Variants in JUP observed in about 807,000 individuals in gnomAD.
The protein encoded by JUP is junction plakoglobin.
JUP carries 28 observed loss-of-function variants against 71.1 expected under a neutral mutation model. That is an observed-to-expected ratio of 0.39 (90% CI 0.29 to 0.54). The LOEUF (loss-of-function observed/expected upper bound fraction) is 0.54. Ranked by LOEUF, JUP falls within the 20% of genes least tolerant of loss-of-function variation. The pLI, the probability that JUP is intolerant of heterozygous loss-of-function variation, is 0.62. For missense variants in JUP, 869 were observed against 1,030.1 expected (o/e 0.84, Z 2.14); for synonymous variants, 401 against 438.9 (o/e 0.91, Z 1.08).
Position 41,764,925 on chromosome 17 carries a change from G to T in JUP, c.1052C>A (p.Ala351Asp). 1 of 1,614,182 alleles carries T rather than the reference G, an allele frequency of 6.2e-7. No homozygotes were observed. The highest frequency in any genetic ancestry group is 8.5e-7 in the Non-Finnish European group (1 of 1,180,028). Reference sequence around the variant, plus strand: ...GCCCTCAAGGCCATCATACTCACCAGCCTCCACAATGGCAGGCTTATTGCT... The same window carrying T: ...GCCCTCAAGGCCATCATACTCACCATCCTCCACAATGGCAGGCTTATTGCT... ...CPSNKPAIVEAGGMQALGKHL... is the reference protein window; with the variant it reads ...CPSNKPAIVEDGGMQALGKHL... Residue 351 changes from alanine (A) to aspartate (D), a missense_variant and splice_region_variant, in exon 6 of 14, where the codon GCT (alanine) becomes GAT (aspartate). Coordinates refer to ENST00000393931, the MANE Select transcript of JUP (RefSeq NM_002230.4).
At chr17:41,779,960 G>A (rs1449843300) in intron 1 of JUP, among the ~76,000 whole-genome samples, 1 of 151,978 alleles carries the variant, frequency 6.6e-6, no homozygotes, top group Non-Finnish European at 1.5e-5. Context: ...ACAGGTGTAA[G>A]CCACTGCCCC....
At chr17:41,759,177 G>A (rs1914392711) in intron 8 of JUP, among the ~76,000 whole-genome samples, 3 of 151,148 alleles carry the variant, frequency 2.0e-5, no homozygotes, top group South Asian at 2.1e-4. Flanking sequence ...GGGTTCAAGC[G>A]ATTCTCCTGC....
rs561484928 is a variant in JUP, at chr17:41,757,645, T to G, written c.1913A>C (p.Asn638Thr). ...APLMELLHSR[N>T]EGTATYAAAV... Reference sequence around the variant, plus strand: ...CTCCCCCAGCTCACCAGTGCCCTCGTTGCGGGAGTGCAGCAACTCCATGAG... The same window carrying G: ...CTCCCCCAGCTCACCAGTGCCCTCGGTGCGGGAGTGCAGCAACTCCATGAG... The change falls in exon 11 of 14, where the codon AAC becomes ACC. Residue 638 changes from asparagine to threonine, a missense_variant. Coordinates refer to ENST00000393931, the MANE Select transcript of JUP (RefSeq NM_002230.4). 1 of 1,613,742 alleles carries G rather than the reference T, an allele frequency of 6.2e-7. No individual in the cohort carries two copies. Among genetic ancestry groups the G allele is most frequent in the Non-Finnish European group, 8.5e-7 (1 of 1,179,862 alleles).
chr17:41,769,237 G>C, intron 3 of JUP, 30 bp from the exon 4 acceptor site: 1 of 1,589,508 alleles, frequency 6.3e-7, no homozygotes, highest in Non-Finnish European at 8.5e-7. Flanking sequence ...GCGGGGACGT[G>C]AGCACTAAGG....
intron 1 of JUP, among the ~76,000 whole-genome samples, chr17:41,774,928 C>T (rs1917215290): frequency 6.6e-6 from 1 of 151,934 alleles, no homozygotes; most frequent in African/African-American, 2.4e-5. Context: ...TGGTGAAATC[C>T]TGTCTCTACT....
At chr17:41,765,157 G>A (rs955251555) in intron 5 of JUP, 90 bp from the exon 6 acceptor site, 31 of 1,287,250 alleles carry the variant, frequency 2.4e-5, no homozygotes, top group Non-Finnish European at 3.2e-5. Context: ...TGTCATTACT[G>A]AGCTTCAGCT....
At position 41,772,720 on chromosome 17, in the gene JUP, C is replaced by T. The variant is rs944883245; in HGVS notation, c.-8-858G>A. 7 of 815,104 alleles carry T rather than the reference C, an allele frequency of 8.6e-6. No homozygotes were observed. The South Asian group carries it at 3.9e-4, about 46-fold the overall frequency. The allele number at this position is 815,104 out of a possible 1,614,324, so 50.5% of individuals were successfully genotyped here. A position where few individuals can be genotyped will look rare whatever the true frequency, so the allele number is the denominator to read the frequency against. ...CAGAAGTGCTTCCTCACCTCCTGGT[C>T]TCCTCGAGCCCAGGCTAGGGATCTG... On this transcript the variant is annotated intron_variant, in intron 1 of 13. Coordinates refer to ENST00000393931, the MANE Select transcript of JUP (RefSeq NM_002230.4).
intron 2 of JUP, chr17:41,771,321 C>T (rs1189747197): frequency 1.0e-5 from 4 of 392,882 alleles, no homozygotes; most frequent in Admixed American, 3.8e-5. Flanking sequence ...CATGAGCCAC[C>T]GTACCCAATG....
chr17:41,762,950 AG>A (rs1219942139), intron 8 of JUP, 32 bp downstream of exon 8: 3 of 1,594,526 alleles, frequency 1.9e-6, no homozygotes, highest in Admixed American at 3.3e-5. Context: ...AGCCTGCTGC[AG>A]GGAGCTCCTT....
Position 41,764,905 on chromosome 17 carries a change from C to A in JUP, c.1054+18G>T. 1 of 1,614,148 alleles carries A rather than the reference C, an allele frequency of 6.2e-7. No homozygotes were observed. The highest frequency in any genetic ancestry group is 8.5e-7 in the Non-Finnish European group (1 of 1,179,996). On this transcript the variant is annotated intron_variant, in intron 6 of 13. Transcript: ENST00000393931. ...GCAGAGCTCCCACCCCAGCCGCCCT[C>A]AAGGCCATCATACTCACCAGCCTCC...
intron 1 of JUP, among the ~76,000 whole-genome samples, chr17:41,774,812 G>C (rs1289432307): frequency 6.6e-6 from 1 of 152,092 alleles, no homozygotes; most frequent in African/African-American, 2.4e-5. Context: ...TGCAAATCAA[G>C]TGTCCCAGGT....
At position 41,757,452 on chromosome 17, in the gene JUP, T is replaced by C. The variant is rs897523834; in HGVS notation, c.2009A>G (p.Asn670Ser). The C allele has an allele frequency of 1.2e-6, 2 of 1,613,764 alleles. No homozygotes were observed. The highest frequency in any genetic ancestry group is 1.7e-5 in the Admixed American group (1 of 59,974). The change falls in exon 12 of 14, where the codon AAC (asparagine) becomes AGC (serine). Residue 670 changes from asparagine (N) to serine (S), a missense_variant. Physicochemically the swap from Asn to Ser is conservative, Grantham distance 46. Coordinates refer to ENST00000393931, the MANE Select transcript of JUP (RefSeq NM_002230.4). ...YRKRVSVELT[N>S]SLFKHDPAAW... ...AGCCGGGTCATGCTTGAAGAGGGAG[T>C]TGGTGAGCTCCACGGACACGCGCTT... is the stretch of plus-strand genomic sequence containing the variant.
rs1915491429 is a variant in JUP, at chr17:41,765,055, C to T, written c.922G>A (p.Ala308Thr). ...ACGAGGGCCTGGGGCCCACCATTGG[C>T]CAGGATGATCAGCTATGGGTAAAGA... The part of the protein sequence containing the change: ...GNQESKLIIL[A>T]NGGPQALVQI... Residue 308 changes from alanine to threonine, a missense_variant, in exon 6 of 14, where the codon GCC becomes ACC. Transcript: ENST00000393931. The T allele has an allele frequency of 6.2e-7, 1 of 1,613,944 alleles. No individual in the cohort carries two copies. The highest frequency in any genetic ancestry group is 1.3e-5 in the African/African-American group (1 of 74,892).
At position 41,769,089 on chromosome 17, in the gene JUP, G is replaced by A. The variant is rs1555605246; in HGVS notation, c.587C>T (p.Thr196Ile). 1 of 1,613,136 alleles carries A rather than the reference G, an allele frequency of 6.2e-7. No homozygotes were observed. The highest frequency in any genetic ancestry group is 8.5e-7 in the Non-Finnish European group (1 of 1,179,964). ...GCAGCGGGCTGTGTCCAGGTCGCTGGTATTCTGCATGGTACGCACGACAGC... is the reference window on the plus strand; with the variant it reads ...GCAGCGGGCTGTGTCCAGGTCGCTGATATTCTGCATGGTACGCACGACAGC... Reference protein sequence around the residue: ...VAAVVRTMQNTSDLDTARCTT... With the variant: ...VAAVVRTMQNISDLDTARCTT... Residue 196 changes from threonine to isoleucine, a missense_variant, in exon 4 of 14, where the codon ACC (threonine) becomes ATC (isoleucine). Transcript: ENST00000393931.
chr17:41,765,148 G>A, intron 5 of JUP, 81 bp from the exon 6 acceptor site: 3 of 1,358,994 alleles, frequency 2.2e-6, no homozygotes, highest in South Asian at 1.2e-5. Flanking sequence ...AGACAGAACT[G>A]TCATTACTGA....
chr17:41,762,327 C>T (rs1018582402), intron 8 of JUP, among the ~76,000 whole-genome samples: 6 of 150,876 alleles, frequency 4.0e-5, no homozygotes, highest in Admixed American at 2.0e-4. Flanking sequence ...CTTCCGCTTC[C>T]GCCTCTGCCT....
intron 8 of JUP, among the ~76,000 whole-genome samples, chr17:41,760,739 T>C (rs1914674147): frequency 6.6e-6 from 1 of 152,078 alleles, no homozygotes; most frequent in Non-Finnish European, 1.5e-5. Context: ...TTTTGTATTT[T>C]TTGTGGAGGC....
At chr17:41,782,870 C>T (rs1000639407) in intron 1 of JUP, among the ~76,000 whole-genome samples, 7 of 151,906 alleles carry the variant, frequency 4.6e-5, no homozygotes, top group Non-Finnish European at 7.4e-5. Context: ...CTGAGGCGGG[C>T]GGATCTCCTG....
At chr17:41,783,654 C>T (rs1412842175) in intron 1 of JUP, among the ~76,000 whole-genome samples, 1 of 151,842 alleles carries the variant, frequency 6.6e-6, no homozygotes, top group Non-Finnish European at 1.5e-5. Flanking sequence ...GGTGAGGTGG[C>T]TCACGCCTGT....
Sources: allele counts gnomAD v4.1 joint callset (sites outside exome capture counted in the v4.1 genomes callset), GRCh38; gene constraint gnomAD v4.1.1; transcripts MANE v1.5; gene names NCBI Gene and HGNC (gene_info 2026-07-23, HGNC 2026-07-21).